ESRRB: variants seen among roughly 807,000 people sequenced by gnomAD.
The protein encoded by ESRRB is estrogen related receptor beta.
A neutral mutation model predicts 46.0 loss-of-function variants in ESRRB; 16 were observed. That is an observed-to-expected ratio of 0.35 (90% CI 0.24 to 0.53). The LOEUF is 0.53. Among genes scored for constraint, ESRRB ranks in the 20% least tolerant of loss-of-function variants. ESRRB has a pLI of 0.93. For missense variants in ESRRB, 488 were observed against 607.4 expected, an observed-to-expected ratio of 0.80 and a Z score of 2.07; for synonymous variants, 246 against 259.6, an observed-to-expected ratio of 0.95 and a Z score of 0.50.
intron 3 of ESRRB, among the ~76,000 whole-genome samples, chr14:76,467,774 C>T (rs1889181143): frequency 6.6e-6 from 1 of 152,106 alleles, no homozygotes; most frequent in Non-Finnish European, 1.5e-5. Flanking sequence ...AAACCACTAG[C>T]TGCATTTCCT....
intron 1 of ESRRB, among the ~76,000 whole-genome samples, chr14:76,357,343 C>T (rs142555187): frequency 6.6e-6 from 1 of 152,146 alleles, no homozygotes; most frequent in Non-Finnish European, 1.5e-5. Context: ...CATTTCTCCT[C>T]GGACAGCTGA....
At chr14:76,472,743 T>C (rs1595153236) in intron 3 of ESRRB, among the ~76,000 whole-genome samples, 1 of 152,368 alleles carries the variant, frequency 6.6e-6, no homozygotes, top group South Asian at 2.1e-4. Context: ...GGGCTCATGA[T>C]ACCCACATCA....
rs1890605886 is a variant in ESRRB, at chr14:76,500,066, G to A, written c.*1608G>A. On this transcript the variant is annotated 3_prime_UTR_variant, in exon 7 of 7. Transcript: ENST00000644823. ...CCAGCACTAGGACACCAGGAGGCCA[G>A]GTAACTTTCTGCAGCTTTTCCATAG... 1.3e-6 allele frequency: 2 copies of A among 1,550,022 alleles called. No homozygotes were observed. Among genetic ancestry groups the A allele is most frequent in the Non-Finnish European group, 1.7e-6 (2 of 1,145,422 alleles).
At chr14:76,410,040 A>G (rs1886367101) in intron 1 of ESRRB, among the ~76,000 whole-genome samples, 2 of 152,242 alleles carry the variant, frequency 1.3e-5, no homozygotes, top group Admixed American at 6.5e-5. Context: ...CCTGGCCAAC[A>G]TGGTGAAACT....
At chr14:76,362,406 A>G (rs1163122732) in intron 1 of ESRRB, among the ~76,000 whole-genome samples, 1 of 152,178 alleles carries the variant, frequency 6.6e-6, no homozygotes, top group East Asian at 1.9e-4. Context: ...TTTGAAATCC[A>G]TCAGTGTATC....
intron 1 of ESRRB, among the ~76,000 whole-genome samples, chr14:76,435,151 C>T (rs1887620602): frequency 6.6e-6 from 1 of 152,198 alleles, no homozygotes; most frequent in Non-Finnish European, 1.5e-5. Flanking sequence ...CGCCCAGCCT[C>T]TGAGAGGGGA....
At chr14:76,370,235 A>AAT (rs1555390977), upstream of ESRRB, among the ~76,000 whole-genome samples, 3 of 151,648 alleles carry the variant, frequency 2.0e-5, no homozygotes, top group African/African-American at 7.3e-5. Flanking sequence ...TAAAAAAAAA[A>AAT]AAAAACACAA....
At chr14:76,334,912 T>G (rs1033761585) in intron 1 of ESRRB, among the ~76,000 whole-genome samples, 6 of 152,182 alleles carry the variant, frequency 3.9e-5, no homozygotes. Context: ...AGCCACGTGG[T>G]GATGGGGGCC....
At chr14:76,339,829 C>G (rs8013844) in intron 1 of ESRRB, among the ~76,000 whole-genome samples, 1 of 152,086 alleles carries the variant, frequency 6.6e-6, no homozygotes. Context: ...CCCGTCACAT[C>G]GCACAAAAGG....
chr14:76,370,274 T>C (rs1291992093), upstream of ESRRB, among the ~76,000 whole-genome samples: 2 of 150,500 alleles, frequency 1.3e-5, no homozygotes, highest in African/African-American at 4.9e-5. Flanking sequence ...GGTGGGCACC[T>C]GTAATCCCAG....
intron 6 of ESRRB, among the ~76,000 whole-genome samples, chr14:76,495,985 G>C (rs1890412038): frequency 6.6e-6 from 1 of 152,192 alleles, no homozygotes; most frequent in Non-Finnish European, 1.5e-5. Context: ...GGGTCAGTGA[G>C]ACCTGGGTTC....
At position 76,489,522 on chromosome 14, in the gene ESRRB, A is replaced by C. The variant is rs375394692; in HGVS notation, c.851-1925A>C. Reference sequence around the variant, plus strand: ...AGCCTCTCCCCTGAGAAGGTGCATCAATCAAAGCTCCCCCGTGTCAGTCGG... The same window carrying C: ...AGCCTCTCCCCTGAGAAGGTGCATCCATCAAAGCTCCCCCGTGTCAGTCGG... On this transcript the variant is annotated intron_variant, in intron 5 of 6. Coordinates refer to ENST00000644823, the MANE Select transcript of ESRRB (RefSeq NM_001379180.1). Among the ~76,000 whole-genome samples the C allele has an allele frequency of 1.3e-4, 19 of 146,456 alleles. No homozygotes were observed. In the East Asian group the frequency reaches 2.2e-3, roughly 17 times the overall value.
chr14:76,500,776 G>A lies in ESRRB; in HGVS notation c.*2318G>A. The A allele has an allele frequency of 6.3e-7, 1 of 1,598,366 alleles. No homozygotes were observed. The highest frequency in any genetic ancestry group is 8.6e-7 in the Non-Finnish European group (1 of 1,165,696). ...CACACCAGGCAGCTGCACCTCACTG[G>A]ATCTAGTGTTGCTGCGAGTGACCTC... is the stretch of plus-strand genomic sequence containing the variant. On this transcript the variant is annotated 3_prime_UTR_variant, in exon 7 of 7. Transcript: ENST00000644823.
chr14:76,381,494 C>G (rs1467593124), intron 1 of ESRRB, among the ~76,000 whole-genome samples: 1 of 152,134 alleles, frequency 6.6e-6, no homozygotes, highest in Non-Finnish European at 1.5e-5. Flanking sequence ...GGGCTAGTGA[C>G]CTTTGCCTCT....
chr14:76,327,759 A>C (rs115096242), intron 1 of ESRRB, among the ~76,000 whole-genome samples: 83 of 152,210 alleles, frequency 5.5e-4, no homozygotes, highest in African/African-American at 1.9e-3. Flanking sequence ...GGAGTTGTGC[A>C]GTGGTGTGAT....
chr14:76,481,990 G>A (rs1249841446), intron 3 of ESRRB, 26 bp from the exon 4 acceptor site: 1 of 1,604,432 alleles, frequency 6.2e-7, no homozygotes, highest in Non-Finnish European at 8.5e-7. Flanking sequence ...CAACTGCTGA[G>A]ATCTTTTCCC....
intron 1 of ESRRB, among the ~76,000 whole-genome samples, chr14:76,410,777 A>T (rs55934659): frequency 0.12 from 17,381 of 150,664 alleles, 1,469 homozygotes; most frequent in East Asian, 0.46. Flanking sequence ...TTTTCTTCTT[A>T]TTTTTTTTTA....
At chr14:76,486,530 A>G (rs1447102508) in intron 5 of ESRRB, among the ~76,000 whole-genome samples, 2 of 151,762 alleles carry the variant, frequency 1.3e-5, no homozygotes, top group Non-Finnish European at 2.9e-5. Flanking sequence ...TTAACAGATT[A>G]TGAACTCCAC....
At chr14:76,386,929 C>T (rs1055353286) in intron 1 of ESRRB, among the ~76,000 whole-genome samples, 4 of 152,156 alleles carry the variant, frequency 2.6e-5, no homozygotes, top group Admixed American at 6.5e-5. Flanking sequence ...TTTTGGGAAC[C>T]TGTCTGTGCC....
Sources: gnomAD v4.1 joint callset for allele counts (sites outside exome capture counted in the v4.1 genomes callset) on GRCh38, gnomAD v4.1.1 for gene constraint, MANE v1.5 for transcripts, NCBI Gene and HGNC (gene_info 2026-07-23, HGNC 2026-07-21) for gene names.